Variants in CNTN4 observed in about 807,000 individuals in gnomAD.
The protein encoded by CNTN4 is contactin-4.
CNTN4 carries 77 observed loss-of-function variants against 122.5 expected under a neutral mutation model. The observed-to-expected ratio is 0.63, with a 90% CI of 0.52 to 0.76. The LOEUF is 0.76. Among genes scored for constraint, CNTN4 ranks in the 30% least tolerant of loss-of-function variants. The pLI, the probability that CNTN4 is intolerant of heterozygous loss-of-function variation, is 0.00. For synonymous variants in CNTN4, 512 were observed against 447.0 expected (o/e 1.15, Z -1.83); for missense variants, 1,256 against 1,259.1 (o/e 1.00, Z 0.04).
intron 7 of CNTN4, among the ~76,000 whole-genome samples, chr3:2,825,337 C>G (rs985778383): frequency 2.0e-5 from 3 of 152,152 alleles, no homozygotes; most frequent in Admixed American, 6.5e-5. Flanking sequence ...CATTCTCCCA[C>G]CTCAGCCTAC....
rs117286030 is a variant in CNTN4 at position 2,378,909 on chromosome 3, T to C, written c.-89+39676T>C. 3.8e-4 allele frequency among the ~76,000 whole-genome samples: 58 copies of C among 152,280 alleles called. No homozygotes were observed. The East Asian group carries it at 6.2e-3, about 16-fold the overall frequency. On this transcript the variant is annotated intron_variant, in intron 3 of 24. Coordinates refer to ENST00000418658, the MANE Select transcript of CNTN4 (RefSeq NM_175607.3). ...GAGGAATGTAATACCAATACCAATA[T>C]CACTATCAATTAGAGGATTATACCA...
At chr3:2,485,231 A>G (rs1395469225) in intron 3 of CNTN4, among the ~76,000 whole-genome samples, 1 of 152,166 alleles carries the variant, frequency 6.6e-6, no homozygotes, top group East Asian at 1.9e-4. Context: ...GCCTCCGCAG[A>G]CAGCACCTCC....
At chr3:2,988,117 A>C (rs865781133) in intron 13 of CNTN4, among the ~76,000 whole-genome samples, 3 of 152,196 alleles carry the variant, frequency 2.0e-5, no homozygotes, top group Non-Finnish European at 4.4e-5. Context: ...CTGACTGTTG[A>C]GACCATTTTA....
At chr3:2,563,393 T>C (rs2079035378) in intron 3 of CNTN4, among the ~76,000 whole-genome samples, 1 of 152,212 alleles carries the variant, frequency 6.6e-6, no homozygotes, top group African/African-American at 2.4e-5. Context: ...TATTGTTGTT[T>C]ACCTTCAAGG....
chr3:2,255,471 A>G (rs2040544686), intron 2 of CNTN4, among the ~76,000 whole-genome samples: 1 of 152,144 alleles, frequency 6.6e-6, no homozygotes, highest in Non-Finnish European at 1.5e-5. Flanking sequence ...CCCCAAATCC[A>G]CAGAATATAC....
At chr3:2,205,230 A>G (rs2038284067) in intron 2 of CNTN4, among the ~76,000 whole-genome samples, 1 of 150,878 alleles carries the variant, frequency 6.6e-6, no homozygotes, top group Admixed American at 6.6e-5. Flanking sequence ...TTTTAATAAT[A>G]AAAAGTTTTT....
At chr3:2,632,271 G>T (rs1318363170) in intron 4 of CNTN4, among the ~76,000 whole-genome samples, 1 of 152,076 alleles carries the variant, frequency 6.6e-6, no homozygotes, top group Non-Finnish European at 1.5e-5. Context: ...ACTGTGCATA[G>T]ACAAAATTGG....
rs1190698399 is a variant in CNTN4, at chr3:2,840,562, G to A, written c.454+20981G>A. On this transcript the variant is annotated intron_variant, in intron 7 of 24. Coordinates refer to ENST00000418658, the MANE Select transcript of CNTN4 (RefSeq NM_175607.3). Reference sequence around the variant, plus strand: ...AAAAATACAAAAATTAGCCGGGCGCGGTGATGGGCGCCTGTAGTCCCAGCT... The same window carrying A: ...AAAAATACAAAAATTAGCCGGGCGCAGTGATGGGCGCCTGTAGTCCCAGCT... Among the ~76,000 whole-genome samples, 2 of 22,604 alleles carry A rather than the reference G, an allele frequency of 8.8e-5. 1 individual carries two copies. The highest frequency in any genetic ancestry group is 1.4e-4 in the African/African-American group (2 of 14,808). 14.8% of individuals were successfully genotyped at this position (22,604 alleles called of 152,430 possible).
chr3:2,871,298 A>G (rs1282647062), intron 8 of CNTN4, among the ~76,000 whole-genome samples: 1 of 152,236 alleles, frequency 6.6e-6, no homozygotes, highest in Admixed American at 6.5e-5. Context: ...TATATCATCA[A>G]TAACTTTCTT....
intron 2 of CNTN4, among the ~76,000 whole-genome samples, chr3:2,332,326 C>T (rs916050956): frequency 2.0e-5 from 3 of 152,050 alleles, no homozygotes; most frequent in Non-Finnish European, 4.4e-5. Flanking sequence ...TTAAGGTTTA[C>T]GTAAGTAATC....
intron 3 of CNTN4, among the ~76,000 whole-genome samples, chr3:2,532,749 C>T (rs2077644887): frequency 1.3e-5 from 2 of 152,092 alleles, no homozygotes; most frequent in Non-Finnish European, 2.9e-5. Context: ...GTAACTATAG[C>T]AGTCTTCATA....
At chr3:2,618,860 A>C (rs1394482237) in intron 4 of CNTN4, among the ~76,000 whole-genome samples, 1 of 152,216 alleles carries the variant, frequency 6.6e-6, no homozygotes, top group Non-Finnish European at 1.5e-5. Context: ...ACACATTGGC[A>C]ACCTGGTATT....
At chr3:2,263,382 T>G (rs1329258623) in intron 2 of CNTN4, among the ~76,000 whole-genome samples, 2 of 152,210 alleles carry the variant, frequency 1.3e-5, no homozygotes, top group East Asian at 3.9e-4. Context: ...ATGAGACTGA[T>G]TTTTTACATT....
rs370283727 is a variant in CNTN4 at position 2,656,596 on chromosome 3, A to G, written c.56-79619A>G. On this transcript the variant is annotated intron_variant, in intron 4 of 24. Coordinates refer to ENST00000418658, the MANE Select transcript of CNTN4 (RefSeq NM_175607.3). ...GACTAACTTAACATTTGGTGAGTGA[A>G]TTAATGAATGAATACATTGTGACAA... Among the ~76,000 whole-genome samples the G allele has an allele frequency of 3.7e-3, 562 of 152,358 alleles. 3 individuals carry two copies. The highest frequency in any genetic ancestry group is 0.013 in the African/African-American group (543 of 41,588).
intron 14 of CNTN4, among the ~76,000 whole-genome samples, chr3:3,025,119 A>G (rs1309098272): frequency 2.0e-5 from 3 of 152,148 alleles, no homozygotes; most frequent in Admixed American, 2.0e-4. Context: ...GACACCATTT[A>G]TGAAATCATG....
chr3:2,701,378 C>T (rs1037819166), intron 4 of CNTN4, among the ~76,000 whole-genome samples: 4 of 152,058 alleles, frequency 2.6e-5, no homozygotes, highest in Admixed American at 6.6e-5. Flanking sequence ...TGAAGCAAAA[C>T]GAGGGAGAAG....
At chr3:2,636,377 T>C (rs1306162128) in intron 4 of CNTN4, among the ~76,000 whole-genome samples, 1 of 152,172 alleles carries the variant, frequency 6.6e-6, no homozygotes, top group Non-Finnish European at 1.5e-5. Flanking sequence ...ACATAGAAGA[T>C]AGAATATTTA....
At chr3:3,044,503 C>T (rs943745976) in intron 23 of CNTN4, among the ~76,000 whole-genome samples, 3 of 152,162 alleles carry the variant, frequency 2.0e-5, no homozygotes, top group Non-Finnish European at 4.4e-5. Context: ...CCTTTCCCCA[C>T]GGATAACCTG....
At chr3:2,814,763 C>G (rs1397101206) in intron 6 of CNTN4, among the ~76,000 whole-genome samples, 1 of 152,188 alleles carries the variant, frequency 6.6e-6, no homozygotes, top group East Asian at 1.9e-4. Context: ...GAGTTTGTAT[C>G]TTCTGGCCAC....
Sources: allele counts gnomAD v4.1 joint callset (sites outside exome capture counted in the v4.1 genomes callset), GRCh38; gene constraint gnomAD v4.1.1; transcripts MANE v1.5; gene names NCBI Gene and HGNC (gene_info 2026-07-23, HGNC 2026-07-21).